The following ZFHX4 variants were observed in gnomAD, a reference collection of about 807,000 sequenced individuals.
ZFHX4 encodes zinc finger homeobox 4.
A neutral mutation model predicts 267.6 loss-of-function variants in ZFHX4; 56 were observed. The ratio of observed to expected loss-of-function variants is 0.21; its 90% CI spans 0.17 to 0.26. ZFHX4 has a LOEUF of 0.26. ZFHX4 is among the 10% of genes least tolerant of loss of function. The probability of loss-of-function intolerance (pLI) is 1.00; values close to 1 mark genes in which losing one functional copy is unlikely to be tolerated. For missense variants in ZFHX4, 4,332 were observed against 4,420.0 expected (o/e 0.98, Z 0.56); for synonymous variants, 1,778 against 1,665.6 (o/e 1.07, Z -1.64).
intron 4 of ZFHX4, among the ~76,000 whole-genome samples, chr8:76,807,415 A>G (rs1013546449): frequency 6.6e-6 from 1 of 152,104 alleles, no homozygotes; most frequent in Non-Finnish European, 1.5e-5. Flanking sequence ...ATTCTGAACA[A>G]GCAGAATTAG....
rs1369751412 is a variant in ZFHX4 at position 76,859,771 on chromosome 8, A to G, written c.9380-3323A>G. 2.6e-5 allele frequency among the ~76,000 whole-genome samples: 4 copies of G among 152,244 alleles called. No individual in the cohort carries two copies. The East Asian group carries it at 7.7e-4, about 29-fold the overall frequency. Reference sequence around the variant, plus strand: ...CACAATTGTCTTTGGCCCCATGTACATAATTATTTTCATTTCCAACCTCAA... The same window carrying G: ...CACAATTGTCTTTGGCCCCATGTACGTAATTATTTTCATTTCCAACCTCAA... On this transcript the variant is annotated intron_variant, in intron 10 of 10. Transcript: ENST00000651372.
At chr8:76,794,873 TTG>T (rs71277761) in intron 4 of ZFHX4, among the ~76,000 whole-genome samples, 6,468 of 142,502 alleles carry the variant, frequency 0.045, 198 homozygotes, top group African/African-American at 0.099. Context: ...TGGCCTGTCA[TTG>T]TGTGTGTGTG....
chr8:76,816,752 T>C (rs113276564), intron 4 of ZFHX4, among the ~76,000 whole-genome samples: 1 of 151,868 alleles, frequency 6.6e-6, no homozygotes, highest in African/African-American at 2.4e-5. Flanking sequence ...CCTGCAACCA[T>C]GCCCGGCTAA....
At chr8:76,820,500 T>C (rs932918653) in intron 4 of ZFHX4, among the ~76,000 whole-genome samples, 2 of 152,244 alleles carry the variant, frequency 1.3e-5, no homozygotes, top group Admixed American at 1.3e-4. Context: ...TATGACATGC[T>C]TCATCTGATT....
rs1367394668 is a variant in ZFHX4, at chr8:76,738,649, T to A, written c.3093+30601T>A. On this transcript the variant is annotated intron_variant, in intron 3 of 10. Transcript: ENST00000651372. ...TTCTTTCCTTCCTTCCTTCCTTCCT[T>A]CTTTCCTTCCTCCCTCCCTCCCTCC... Among the ~76,000 whole-genome samples, 4 of 145,692 alleles carry A rather than the reference T, an allele frequency of 2.7e-5. No individual in the cohort carries two copies. The East Asian group carries it at 8.2e-4, about 30-fold the overall frequency.
intron 3 of ZFHX4, among the ~76,000 whole-genome samples, chr8:76,730,469 G>A (rs1808974508): frequency 6.6e-6 from 1 of 152,124 alleles, no homozygotes; most frequent in South Asian, 2.1e-4. Context: ...GGGAAGCTGA[G>A]GCAGGTGGAT....
chr8:76,779,406 C>T (rs1302743435), intron 4 of ZFHX4, among the ~76,000 whole-genome samples: 1 of 152,054 alleles, frequency 6.6e-6, no homozygotes, highest in East Asian at 1.9e-4. Context: ...AAAGTTTAGA[C>T]AGGTCAGGTG....
intron 1 of ZFHX4, among the ~76,000 whole-genome samples, chr8:76,689,604 A>G (rs1807775715): frequency 6.6e-6 from 1 of 152,116 alleles, no homozygotes; most frequent in Non-Finnish European, 1.5e-5. Context: ...ATATTCTTGC[A>G]TAAGGATTGT....
At chr8:76,726,128 A>T (rs999401311) in intron 3 of ZFHX4, among the ~76,000 whole-genome samples, 1 of 152,144 alleles carries the variant, frequency 6.6e-6, no homozygotes, top group Non-Finnish European at 1.5e-5. Flanking sequence ...ATTAAGATAC[A>T]TTAGTCCTAA....
intron 3 of ZFHX4, among the ~76,000 whole-genome samples, chr8:76,771,086 A>AG (rs761672742): frequency 7.2e-4 from 109 of 152,294 alleles, no homozygotes; most frequent in Non-Finnish European, 1.1e-3. Context: ...TAAGAATTTT[A>AG]GGGTTTGTTC....
intron 3 of ZFHX4, among the ~76,000 whole-genome samples, chr8:76,726,947 C>T (rs145329399): frequency 5.3e-5 from 8 of 152,260 alleles, no homozygotes; most frequent in African/African-American, 1.7e-4. Context: ...TCTTAATTCC[C>T]GCTCAGGTCC....
chr8:76,757,254 A>T (rs1809788710), intron 3 of ZFHX4, among the ~76,000 whole-genome samples: 1 of 152,186 alleles, frequency 6.6e-6, no homozygotes, highest in Non-Finnish European at 1.5e-5. Flanking sequence ...GACAAGAGCT[A>T]TGATAGAGGT....
intron 4 of ZFHX4, among the ~76,000 whole-genome samples, chr8:76,786,876 C>T (rs1012471898): frequency 3.3e-5 from 5 of 152,104 alleles, no homozygotes; most frequent in Admixed American, 2.6e-4. Context: ...TTCACCATAA[C>T]GAAGAAAAGC....
chr8:76,795,945 T>A (rs1810970479), intron 4 of ZFHX4, among the ~76,000 whole-genome samples: 1 of 152,168 alleles, frequency 6.6e-6, no homozygotes, highest in Non-Finnish European at 1.5e-5. Context: ...AAACCAAGTT[T>A]CATTACAAAT....
intron 3 of ZFHX4, among the ~76,000 whole-genome samples, chr8:76,729,890 G>C (rs1006275772): frequency 2.0e-5 from 3 of 152,124 alleles, no homozygotes; most frequent in Non-Finnish European, 4.4e-5. Flanking sequence ...AAGAATAGGA[G>C]CAGAATTTAC....
At chr8:76,862,575 T>C (rs1197690081) in intron 10 of ZFHX4, among the ~76,000 whole-genome samples, 2 of 152,230 alleles carry the variant, frequency 1.3e-5, no homozygotes, top group African/African-American at 4.8e-5. Flanking sequence ...CTTTGTTCAA[T>C]GTAAGTGTAT....
intron 5 of ZFHX4, among the ~76,000 whole-genome samples, chr8:76,835,518 G>A (rs994143706): frequency 5.9e-5 from 9 of 151,616 alleles, no homozygotes; most frequent in African/African-American, 2.2e-4. Flanking sequence ...AAACAATTTT[G>A]CAAGTGAAAA....
intron 3 of ZFHX4, among the ~76,000 whole-genome samples, chr8:76,719,087 T>G (rs1017656421): frequency 6.6e-6 from 1 of 151,642 alleles, no homozygotes; most frequent in Admixed American, 6.6e-5. Flanking sequence ...CAATTATATT[T>G]TCCATATATA....
At chr8:76,791,299 G>T (rs147166162) in intron 4 of ZFHX4, among the ~76,000 whole-genome samples, 1 of 152,072 alleles carries the variant, frequency 6.6e-6, no homozygotes, top group East Asian at 1.9e-4. Flanking sequence ...GGTGTCTGTT[G>T]CATACCATCA....
Sources: allele counts gnomAD v4.1 joint callset (sites outside exome capture counted in the v4.1 genomes callset), GRCh38; gene constraint gnomAD v4.1.1; transcripts MANE v1.5; gene names NCBI Gene and HGNC (gene_info 2026-07-23, HGNC 2026-07-21).